The following BHMT2 variants were observed in gnomAD, a reference collection of about 807,000 sequenced individuals.
BHMT2 encodes the protein S-methylmethionine--homocysteine S-methyltransferase BHMT2.
In BHMT2, 28 loss-of-function variants were observed where a neutral mutation model predicts 39.0. That is an observed-to-expected ratio of 0.72 (90% CI 0.53 to 0.98). The LOEUF (loss-of-function observed/expected upper bound fraction) is 0.98, where lower values mean the gene tolerates loss of function less well. Ranked by LOEUF, BHMT2 falls within the 50% of genes least tolerant of loss-of-function variation. BHMT2 has a pLI of 0.00. For missense variants in BHMT2, 410 were observed against 455.6 expected (o/e 0.90, Z 0.91); for synonymous variants, 145 against 160.6 (o/e 0.90, Z 0.74).
chr5:79,087,639 C>T (rs1052607607), intron 7 of BHMT2, among the ~76,000 whole-genome samples: 6 of 152,032 alleles, frequency 3.9e-5, no homozygotes, highest in South Asian at 4.1e-4. Context: ...GTGGAAAAAA[C>T]AATAAAAATA....
At chr5:79,082,024 A>G (rs1241936100) in intron 4 of BHMT2, among the ~76,000 whole-genome samples, 1 of 152,214 alleles carries the variant, frequency 6.6e-6, no homozygotes, top group Non-Finnish European at 1.5e-5. Context: ...TGCTTTCCAG[A>G]TGGATGATGA....
At chr5:79,082,346 G>A (rs1432925689) in intron 4 of BHMT2, 1 of 154,636 alleles carries the variant, frequency 6.5e-6, no homozygotes, top group Non-Finnish European at 1.4e-5. Context: ...ACTTTATGGA[G>A]CACTTATGAA....
At chr5:79,087,416 G>A (rs1755923093) in intron 7 of BHMT2, among the ~76,000 whole-genome samples, 1 of 152,088 alleles carries the variant, frequency 6.6e-6, no homozygotes, top group African/African-American at 2.4e-5. Flanking sequence ...TAAGTGAGTA[G>A]TTTATTTAAT....
intron 4 of BHMT2, among the ~76,000 whole-genome samples, chr5:79,081,589 G>T (rs1351480783): frequency 3.3e-5 from 5 of 152,176 alleles, no homozygotes; most frequent in African/African-American, 1.2e-4. Flanking sequence ...GCTTGGCGCG[G>T]TAGCTCACAC....
intron 2 of BHMT2, among the ~76,000 whole-genome samples, chr5:79,078,310 G>A (rs1755718503): frequency 6.6e-6 from 1 of 151,654 alleles, no homozygotes; most frequent in South Asian, 2.1e-4. Context: ...AACTATGATG[G>A]GATTAGATAG....
Position 79,089,421 on chromosome 5 carries a change from A to G in BHMT2, c.*847A>G, listed in dbSNP as rs1222169718. On this transcript the variant is annotated 3_prime_UTR_variant, in exon 8 of 8. Transcript: ENST00000255192. ...AGCCGAGATCAGGCCATTGCACTTC[A>G]GCCTGGGTGACAGAGTGAGACTCCA... 1 of 150,854 alleles carries G rather than the reference A, an allele frequency of 6.6e-6. No individual in the cohort carries two copies. The highest frequency in any genetic ancestry group is 2.5e-5 in the African/African-American group (1 of 40,650). The allele number at this position is 150,854 out of a possible 1,614,324, so 9.3% of individuals were successfully genotyped here. A position where few individuals can be genotyped will look rare whatever the true frequency, so the allele number is the denominator to read the frequency against.
intron 7 of BHMT2, among the ~76,000 whole-genome samples, chr5:79,084,177 G>A (rs1210313964): frequency 6.6e-6 from 1 of 152,148 alleles, no homozygotes; most frequent in East Asian, 1.9e-4. Context: ...CATCTATAAG[G>A]AAGCAGGCAT....
chr5:79,077,458 G>C (rs375491516), intron 1 of BHMT2, 22 bp from the exon 2 acceptor site: 22 of 1,597,522 alleles, frequency 1.4e-5, no homozygotes, highest in South Asian at 5.8e-5. Context: ...CGGAGCTTAG[G>C]TGCTTTTTTT....
intron 1 of BHMT2, among the ~76,000 whole-genome samples, chr5:79,072,137 T>C (rs897950691): frequency 5.3e-5 from 8 of 152,106 alleles, no homozygotes; most frequent in African/African-American, 1.9e-4. Context: ...CATGGTGGCA[T>C]GCACCTATAA....
At chr5:79,075,698 C>G (rs937448654) in intron 1 of BHMT2, among the ~76,000 whole-genome samples, 1 of 152,140 alleles carries the variant, frequency 6.6e-6, no homozygotes, top group African/African-American at 2.4e-5. Flanking sequence ...GAAAAGGTGA[C>G]ACTTGACCAA....
intron 7 of BHMT2, among the ~76,000 whole-genome samples, chr5:79,085,346 C>T (rs139087798): frequency 6.6e-6 from 1 of 152,284 alleles, no homozygotes; most frequent in African/African-American, 2.4e-5. Context: ...TGGAAAGTTC[C>T]ATAATCACTT....
chr5:79,082,930 A>G lies in BHMT2; in HGVS notation c.572A>G (p.Glu191Gly). ...GACATGCATGATATAACCCCCGGAGAATGTGCTGTGAGGCTGGTGAAGGCA... is the reference window on the plus strand; with the variant it reads ...GACATGCATGATATAACCCCCGGAGGATGTGCTGTGAGGCTGGTGAAGGCA... ...EGDMHDITPGECAVRLVKAGA... is the reference protein window; with the variant it reads ...EGDMHDITPGGCAVRLVKAGA... Residue 191 changes from glutamate (E) to glycine (G), a missense_variant, in exon 5 of 8, where the codon GAA becomes GGA. Glu to Gly is a moderately conservative substitution (Grantham distance 98). Transcript: ENST00000255192. 2.5e-6 allele frequency: 4 copies of G among 1,614,168 alleles called. No homozygotes were observed. The South Asian group carries it at 4.4e-5, about 18-fold the overall frequency.
intron 1 of BHMT2, among the ~76,000 whole-genome samples, chr5:79,076,750 C>T (rs556313942): frequency 6.6e-6 from 1 of 152,310 alleles, no homozygotes; most frequent in South Asian, 2.1e-4. Flanking sequence ...CGTGTGAACA[C>T]ACTGCATGAC....
chr5:79,074,241 C>T (rs1169557945), intron 1 of BHMT2, among the ~76,000 whole-genome samples: 2 of 152,166 alleles, frequency 1.3e-5, no homozygotes, highest in Non-Finnish European at 2.9e-5. Context: ...GTGGTTTGTA[C>T]TTCTGCAGCT....
At position 79,080,808 on chromosome 5, in the gene BHMT2, GA is replaced by G; in HGVS notation, c.382del (p.Ile128LeufsTer9). 3 of 1,604,246 alleles carry G rather than the reference GA, an allele frequency of 1.9e-6. No homozygotes were observed. Among genetic ancestry groups the G allele is most frequent in the Non-Finnish European group, 2.5e-6 (3 of 1,177,246 alleles). On this transcript the variant is annotated frameshift_variant, in exon 4 of 8. Coordinates refer to ENST00000255192, the MANE Select transcript of BHMT2 (RefSeq NM_017614.5). LOFTEE classifies it high-confidence loss of function. Reference protein sequence around the residue: ...SIYKYQKDEARIKKLFRQQLE... With the variant: ...SIYKYQKDEAXIKKLFRQQLE... Reference sequence around the variant, plus strand: ...TACAAATACCAGAAGGATGAAGCTAGAATTAAAAAACTTTTTCGACAACAGC... The same window carrying G: ...TACAAATACCAGAAGGATGAAGCTAGATTAAAAAACTTTTTCGACAACAGC...
intron 7 of BHMT2, 61 bp downstream of exon 7, chr5:79,083,917 G>A (rs962920326): frequency 2.6e-6 from 4 of 1,534,958 alleles, no homozygotes; most frequent in Non-Finnish European, 3.5e-6. Flanking sequence ...ATTTATTGTT[G>A]TAAATGTCAT....
At chr5:79,077,423 T>C in intron 1 of BHMT2, 57 bp from the exon 2 acceptor site, 1 of 1,553,644 alleles carries the variant, frequency 6.4e-7, no homozygotes, top group South Asian at 1.2e-5. Context: ...AGAAAATGCT[T>C]TTAGGAAAAA....
Position 79,088,668 on chromosome 5 carries a change from C to A in BHMT2, c.*94C>A. On this transcript the variant is annotated 3_prime_UTR_variant, in exon 8 of 8. Coordinates refer to ENST00000255192, the MANE Select transcript of BHMT2 (RefSeq NM_017614.5). The stretch of plus-strand genomic sequence containing the variant: ...GTTCCTCACCTTCATCCTCACCATG[C>A]CCTGCTATCTCCAGCTGCTGAGCAG... The A allele has an allele frequency of 1.1e-6, 1 of 948,976 alleles. No individual in the cohort carries two copies. Among genetic ancestry groups the A allele is most frequent in the Non-Finnish European group, 1.6e-6 (1 of 609,686 alleles). The allele number at this position is 948,976 out of a possible 1,614,324, so 58.8% of individuals were successfully genotyped here.
Position 79,080,799 on chromosome 5 carries a change from A to G in BHMT2, c.371A>G (p.Asp124Gly). ...ACATCAATATACAAATACCAGAAGG[A>G]TGAAGCTAGAATTAAAAAACTTTTT... ...CQTSIYKYQK[D>G]EARIKKLFRQ... The change falls in exon 4 of 8, where the codon GAT becomes GGT. Residue 124 changes from aspartate to glycine, a missense_variant. Coordinates refer to ENST00000255192, the MANE Select transcript of BHMT2 (RefSeq NM_017614.5). 5 of 1,606,438 alleles carry G rather than the reference A, an allele frequency of 3.1e-6. No homozygotes were observed. Among genetic ancestry groups the G allele is most frequent in the Non-Finnish European group, 4.2e-6 (5 of 1,177,888 alleles).
Sources: allele counts gnomAD v4.1 joint callset (sites outside exome capture counted in the v4.1 genomes callset), GRCh38; gene constraint gnomAD v4.1.1; transcripts MANE v1.5; gene names NCBI Gene and HGNC (gene_info 2026-07-23, HGNC 2026-07-21).